Variants in GGT7 observed in about 807,000 individuals in gnomAD.
GGT7 encodes the protein gamma-glutamyltransferase 7, also known as glutathione hydrolase 7.
Under a neutral mutation model 69.2 loss-of-function variants are expected in GGT7, and 30 were observed. The observed-to-expected ratio is 0.43, with a 90% CI of 0.32 to 0.59. The LOEUF (loss-of-function observed/expected upper bound fraction) is 0.59, where lower values mean the gene tolerates loss of function less well. Among genes scored for constraint, GGT7 ranks in the 20% least tolerant of loss-of-function variants. The pLI is 0.05. For synonymous variants in GGT7, 388 were observed against 391.8 expected (o/e 0.99, Z 0.12); for missense variants, 733 against 901.1 (o/e 0.81, Z 2.39).
chr20:34,870,052 T>G (rs1292359242), intron 1 of GGT7, among the ~76,000 whole-genome samples: 1 of 152,098 alleles, frequency 6.6e-6, no homozygotes, highest in Non-Finnish European at 1.5e-5. Flanking sequence ...AGGTCCTGGC[T>G]AAGAGGATGG....
At chr20:34,860,482 C>T (rs185866070) in intron 4 of GGT7, among the ~76,000 whole-genome samples, 161 bp from the exon 5 acceptor site, 5 of 152,162 alleles carry the variant, frequency 3.3e-5, no homozygotes, top group Non-Finnish European at 4.4e-5. Flanking sequence ...GCAGGCACCC[C>T]TCCCATCTCC....
intron 10 of GGT7, among the ~76,000 whole-genome samples, chr20:34,853,051 G>A (rs537295594): frequency 3.3e-5 from 5 of 152,158 alleles, no homozygotes; most frequent in Admixed American, 1.3e-4. Flanking sequence ...CCAGGTTCAA[G>A]TGATTCTCCT....
chr20:34,855,155 T>C (rs955899858), intron 8 of GGT7, among the ~76,000 whole-genome samples: 1 of 152,178 alleles, frequency 6.6e-6, no homozygotes, highest in Admixed American at 6.5e-5. Flanking sequence ...TCCTCTGCCA[T>C]TTGAGAAAAC....
intron 13 of GGT7, 45 bp from the exon 14 acceptor site, chr20:34,850,105 G>T: frequency 8.0e-7 from 1 of 1,251,536 alleles, no homozygotes; most frequent in Non-Finnish European, 1.2e-6. Flanking sequence ...TCCCAGGGGT[G>T]ATGGTCCAGG....
Position 34,852,505 on chromosome 20 carries a change from G to A in GGT7, c.1353C>T (p.Ile451=). 6.3e-7 allele frequency: 1 copy of A among 1,598,606 alleles called. No individual in the cohort carries two copies. The highest frequency in any genetic ancestry group is 1.1e-5 in the South Asian group (1 of 89,174). The change falls in exon 11 of 15, where the codon ATC becomes ATT. Residue 451 remains isoleucine, a synonymous_variant. Transcript: ENST00000336431. Reference sequence around the variant, plus strand: ...GGGCAGGGGCTGCCTGGGAGTCATTGATATGGCCCCGGAGGTAGGCGGCCT... The same window carrying A: ...GGGCAGGGGCTGCCTGGGAGTCATTAATATGGCCCCGGAGGTAGGCGGCCT... ...KVEAAYLRGH[I]NDSQAAPAPL...
intron 8 of GGT7, among the ~76,000 whole-genome samples, chr20:34,855,298 G>A (rs2079472079): frequency 6.6e-6 from 1 of 152,122 alleles, no homozygotes; most frequent in African/African-American, 2.4e-5. Context: ...CATAGGCCAG[G>A]ATATTATCCA....
chr20:34,860,356 C>G, intron 4 of GGT7, 35 bp from the exon 5 acceptor site: 1 of 1,538,820 alleles, frequency 6.5e-7, no homozygotes, highest in South Asian at 1.1e-5. Flanking sequence ...AGAGAGGAGA[C>G]CAGGTCACTG....
In GGT7 at chr20:34,845,450, C is replaced by T. The variant is rs760873046; in HGVS notation, c.1867G>A (p.Gly623Ser). The T allele has an allele frequency of 6.2e-7, 1 of 1,613,998 alleles. No individual in the cohort carries two copies. Among genetic ancestry groups the T allele is most frequent in the Non-Finnish European group, 8.5e-7 (1 of 1,179,918 alleles). ...EEEIEFLEAR[G>S]HHVEKVDVLS... is the part of the protein sequence containing the mutation. ...ACATCTACTTTCTCCACGTGGTGACCCCTGGCTTCCAGGAACTCAATCTCT... is the reference window on the plus strand; with the variant it reads ...ACATCTACTTTCTCCACGTGGTGACTCCTGGCTTCCAGGAACTCAATCTCT... Residue 623 changes from glycine (G) to serine (S), a missense_variant, in exon 15 of 15, where the codon GGT (glycine) becomes AGT (serine). Transcript: ENST00000336431.
intron 8 of GGT7, 71 bp from the exon 9 acceptor site, chr20:34,854,994 A>C: frequency 6.8e-7 from 1 of 1,470,304 alleles, no homozygotes; most frequent in Non-Finnish European, 9.4e-7. Flanking sequence ...TCCCATCTCC[A>C]CATTCCACCA....
At chr20:34,853,605 A>G (rs1428234949) in intron 10 of GGT7, among the ~76,000 whole-genome samples, 1 of 152,056 alleles carries the variant, frequency 6.6e-6, no homozygotes, top group Non-Finnish European at 1.5e-5. Flanking sequence ...CTTACCTAAT[A>G]ACTATGTGTT....
chr20:34,861,416 G>T, intron 4 of GGT7, 29 bp downstream of exon 4: 2 of 1,192,180 alleles, frequency 1.7e-6, no homozygotes, highest in Non-Finnish European at 1.2e-6. Context: ...AGACTCCCCT[G>T]AACTCTCTCT....
In GGT7 at chr20:34,863,722, G is replaced by A. The variant is rs187558389; in HGVS notation, c.170-174C>T. ...TGCACCCCAGGACAGGCGGGGCAACGGTGCCCGGCTAGGAAGAGACAGGGA... is the reference window on the plus strand; with the variant it reads ...TGCACCCCAGGACAGGCGGGGCAACAGTGCCCGGCTAGGAAGAGACAGGGA... On this transcript the variant is annotated intron_variant, in intron 1 of 14. Coordinates refer to ENST00000336431, the MANE Select transcript of GGT7 (RefSeq NM_178026.3). This position sits in a 1 kb window ranked among gnomAD's most constrained non-coding sequence, Gnocchi z 4.4. 620 of 718,578 alleles carry A rather than the reference G, an allele frequency of 8.6e-4. 6 individuals carry two copies. In the Middle Eastern group the frequency reaches 0.012, roughly 14 times the overall value. 44.5% of individuals were successfully genotyped at this position (718,578 alleles called of 1,614,324 possible).
In GGT7 at chr20:34,860,054, G is replaced by A. The variant is rs1386390480; in HGVS notation, c.744-12C>T. 2.0e-5 allele frequency: 30 copies of A among 1,495,414 alleles called. 1 individual carries two copies. The highest frequency in any genetic ancestry group is 1.8e-4 in the South Asian group (15 of 83,558). 92.6% of individuals were successfully genotyped at this position (1,495,414 alleles called of 1,614,324 possible). A position where few individuals can be genotyped will look rare whatever the true frequency, so the allele number is the denominator to read the frequency against. Reference sequence around the variant, plus strand: ...GGGACCATGGCAGCCTGGGGGGGCCGGAGAGCAGGGGGTGGAGGAGGTCCT... The same window carrying A: ...GGGACCATGGCAGCCTGGGGGGGCCAGAGAGCAGGGGGTGGAGGAGGTCCT... On this transcript the variant is annotated splice_polypyrimidine_tract_variant and intron_variant, in intron 5 of 14. Coordinates refer to ENST00000336431, the MANE Select transcript of GGT7 (RefSeq NM_178026.3).
chr20:34,862,546 C>A (rs2079615086), intron 3 of GGT7, among the ~76,000 whole-genome samples: 2 of 147,412 alleles, frequency 1.4e-5, no homozygotes, highest in African/African-American at 5.1e-5. Flanking sequence ...TCCACCTGTG[C>A]ATCTTAATTT....
At chr20:34,868,038 T>C (rs1274525091) in intron 1 of GGT7, among the ~76,000 whole-genome samples, 1 of 152,212 alleles carries the variant, frequency 6.6e-6, no homozygotes, top group Non-Finnish European at 1.5e-5. Context: ...AATTTTTGTA[T>C]TTTTAGTAGA....
chr20:34,850,243 A>T (rs764839959), intron 13 of GGT7, 183 bp from the exon 14 acceptor site: 7 of 762,756 alleles, frequency 9.2e-6, no homozygotes, highest in Non-Finnish European at 1.7e-5. Context: ...TTTCACAGAG[A>T]GGGAAAGTGA....
chr20:34,866,648 C>T (rs1395091576), intron 1 of GGT7, among the ~76,000 whole-genome samples: 1 of 151,656 alleles, frequency 6.6e-6, no homozygotes, highest in Non-Finnish European at 1.5e-5. Context: ...GGCGCAATCT[C>T]GGCTCACTGC....
chr20:34,860,106 A>AGGGGGGGGGCGGGGGGGG, intron 5 of GGT7, 64 bp from the exon 6 acceptor site: 1 of 312,562 alleles, frequency 3.2e-6, no homozygotes, highest in Admixed American at 5.0e-5. Context: ...GTCCGGGGGG[A>AGGGGGGGGGCGGGGGGGG]GGGGGGTTCC....
chr20:34,850,034 G>A lies in GGT7; in HGVS notation c.1752C>T (p.Asn584=), dbSNP rs1332092413. The change falls in exon 14 of 15, where the codon AAC becomes AAT. Residue 584 remains asparagine (N), a synonymous_variant. Coordinates refer to ENST00000336431, the MANE Select transcript of GGT7 (RefSeq NM_178026.3). The stretch of plus-strand genomic sequence containing the variant: ...GGGCCAGGCTGTCACTCAGGTTCCG[G>A]TTCAAGGTCAGGACATTCAGCAGAA... ...TQVLLNVLTL[N]RNLSDSLARG... The A allele has an allele frequency of 1.9e-6, 3 of 1,613,870 alleles. No individual in the cohort carries two copies. The highest frequency in any genetic ancestry group is 2.5e-6 in the Non-Finnish European group (3 of 1,179,762).
Sources: allele counts gnomAD v4.1 joint callset (sites outside exome capture counted in the v4.1 genomes callset), GRCh38; gene constraint gnomAD v4.1.1; non-coding constraint Gnocchi (gnomAD v3.1); transcripts MANE v1.5; gene names NCBI Gene and HGNC (gene_info 2026-07-23, HGNC 2026-07-21).